Variants in DOCK10 observed in about 807,000 individuals in gnomAD.
DOCK10 encodes dedicator of cytokinesis protein 10.
DOCK10 carries 145 observed loss-of-function variants against 280.1 expected under a neutral mutation model. The observed-to-expected ratio is 0.52, with a 90% CI of 0.45 to 0.59. The LOEUF (loss-of-function observed/expected upper bound fraction) is 0.59, where lower values mean the gene tolerates loss of function less well. Ranked by LOEUF, DOCK10 falls within the 20% of genes least tolerant of loss-of-function variation. The pLI is 0.00. For missense variants in DOCK10, 2,368 were observed against 2,651.7 expected (o/e 0.89, Z 2.35); for synonymous variants, 915 against 942.2 (o/e 0.97, Z 0.53).
rs368666534 is a variant in DOCK10, at chr2:225,035,570, A to ATG, written c.123+6681_123+6682insCA. ...TATATATATATATATATATATATAT[A>ATG]TATATATATATATATATAACACTGA... is the stretch of plus-strand genomic sequence containing the variant. On this transcript the variant is annotated intron_variant, in intron 1 of 55. Coordinates refer to ENST00000258390, the MANE Select transcript of DOCK10 (RefSeq NM_014689.3). Among the ~76,000 whole-genome samples the ATG allele has an allele frequency of 8.6e-5, 5 of 58,234 alleles. 1 individual carries two copies. The highest frequency in any genetic ancestry group is 2.0e-4 in the Non-Finnish European group (5 of 24,620). The allele number at this position is 58,234 out of a possible 152,430, so 38.2% of individuals were successfully genotyped here. A position where few individuals can be genotyped will look rare whatever the true frequency, so the allele number is the denominator to read the frequency against.
intron 30 of DOCK10, among the ~76,000 whole-genome samples, chr2:224,815,104 G>A (rs1694041178): frequency 6.6e-6 from 1 of 152,100 alleles, no homozygotes; most frequent in African/African-American, 2.4e-5. Context: ...TTTGATCATG[G>A]GGACAGTTTC....
At chr2:224,935,912 A>G (rs1350598462) in intron 1 of DOCK10, among the ~76,000 whole-genome samples, 2 of 152,198 alleles carry the variant, frequency 1.3e-5, no homozygotes, top group African/African-American at 4.8e-5. Context: ...ATATAATCCA[A>G]GATTTATACG....
rs1325429657 is a variant in DOCK10 at position 224,885,775 on chromosome 2, G to C, written c.643C>G (p.Gln215Glu). 1 of 1,613,384 alleles carries C rather than the reference G, an allele frequency of 6.2e-7. No individual in the cohort carries two copies. The highest frequency in any genetic ancestry group is 1.3e-5 in the African/African-American group (1 of 75,022). ...SFKKRYFQLT[Q>E]LPDNSYIMNF... Reference sequence around the variant, plus strand: ...ATAATGTAGGAGTTATCTGGTAACTGAGTCAGCTGGAAGTAGCGCTTTTTG... The same window carrying C: ...ATAATGTAGGAGTTATCTGGTAACTCAGTCAGCTGGAAGTAGCGCTTTTTG... The change falls in exon 7 of 56, where the codon CAG becomes GAG. Residue 215 changes from glutamine to glutamate, a missense_variant. Gln to Glu is a conservative substitution (Grantham distance 29). This residue lies in a region of DOCK10 where 1,209 missense variants were observed against 1,250.9 expected (regional missense o/e 0.97). Transcript: ENST00000258390.
At chr2:224,872,131 A>T (rs79353375) in intron 11 of DOCK10, among the ~76,000 whole-genome samples, 2 of 152,310 alleles carry the variant, frequency 1.3e-5, no homozygotes, top group East Asian at 3.9e-4. Flanking sequence ...TTTTGACAAG[A>T]TTCTTATTGG....
At chr2:224,826,739 T>TTATCTATC (rs3083079) in intron 27 of DOCK10, among the ~76,000 whole-genome samples, 30 of 145,286 alleles carry the variant, frequency 2.1e-4, no homozygotes, top group South Asian at 6.8e-4. Flanking sequence ...ATATATATAA[T>TTATCTATC]TATCTATCTA....
rs144044236 is a variant in DOCK10 at position 224,977,486 on chromosome 2, G to A, written c.124-45818C>T. 5.8e-3 allele frequency among the ~76,000 whole-genome samples: 884 copies of A among 152,112 alleles called. 3 individuals carry two copies. Among genetic ancestry groups the A allele is most frequent in the Non-Finnish European group, 8.5e-3 (577 of 67,996 alleles). The stretch of plus-strand genomic sequence containing the variant: ...GGGTTGGTGATGAGTAAATGACATA[G>A]GAAATAATAGACATTAACCAGAAAA... On this transcript the variant is annotated intron_variant, in intron 1 of 55. Coordinates refer to ENST00000258390, the MANE Select transcript of DOCK10 (RefSeq NM_014689.3).
rs555749032 is a variant in DOCK10 at position 224,931,100 on chromosome 2, A to G, written c.243+449T>C. Among the ~76,000 whole-genome samples, 15 of 152,342 alleles carry G rather than the reference A, an allele frequency of 9.8e-5. No individual in the cohort carries two copies. The South Asian group carries it at 3.1e-3, about 32-fold the overall frequency. ...CCTTTCTTTGCCCCCAGGTGTCAGT[A>G]TCTCCTTATGAAAGACAAACCAAGA... On this transcript the variant is annotated intron_variant, in intron 2 of 55. Coordinates refer to ENST00000258390, the MANE Select transcript of DOCK10 (RefSeq NM_014689.3).
chr2:224,874,855 G>A lies in DOCK10; in HGVS notation c.932-104C>T, dbSNP rs146999838. ...TAAGTTAGGCTTAAGAGCTAAGAGG[G>A]ACGTTGGTGAGCCTAAGCTTTCATT... On this transcript the variant is annotated intron_variant, in intron 8 of 55. Transcript: ENST00000258390. The A allele has an allele frequency of 5.8e-4, 566 of 970,548 alleles. 5 individuals are homozygous for A. In the African/African-American group the frequency reaches 6.5e-3, roughly 11 times the overall value. 60.1% of individuals were successfully genotyped at this position (970,548 alleles called of 1,614,324 possible). A position where few individuals can be genotyped will look rare whatever the true frequency, so the allele number is the denominator to read the frequency against.
intron 1 of DOCK10, among the ~76,000 whole-genome samples, chr2:225,040,856 T>C (rs1426393095): frequency 6.6e-6 from 1 of 152,206 alleles, no homozygotes; most frequent in African/African-American, 2.4e-5. Flanking sequence ...AATCTTTTCT[T>C]CTAATGTTCT....
chr2:224,842,934 CA>C (rs1215902275), intron 22 of DOCK10, among the ~76,000 whole-genome samples: 1 of 152,166 alleles, frequency 6.6e-6, no homozygotes, highest in East Asian at 1.9e-4. Flanking sequence ...TCTGTTGGGT[CA>C]GGGAACAGGG....
intron 48 of DOCK10, among the ~76,000 whole-genome samples, chr2:224,788,083 A>ACTT (rs1691858891): frequency 6.6e-6 from 1 of 151,878 alleles, no homozygotes; most frequent in Admixed American, 6.6e-5. Context: ...CCATTTCAAC[A>ACTT]CTTCCATGTA....
At chr2:224,997,163 T>A (rs1311704388) in intron 1 of DOCK10, among the ~76,000 whole-genome samples, 1 of 152,106 alleles carries the variant, frequency 6.6e-6, no homozygotes, top group African/African-American at 2.4e-5. Flanking sequence ...CCCACCAAAT[T>A]CAACACTGCC....
chr2:224,798,225 GT>G (rs1234359890), intron 41 of DOCK10, among the ~76,000 whole-genome samples: 1 of 152,152 alleles, frequency 6.6e-6, no homozygotes, highest in African/African-American at 2.4e-5. Flanking sequence ...CTTCCATAGG[GT>G]AGTCAGCAAA....
chr2:224,826,409 T>C (rs951201221), intron 27 of DOCK10, among the ~76,000 whole-genome samples: 5 of 151,896 alleles, frequency 3.3e-5, no homozygotes, highest in South Asian at 2.1e-4. Flanking sequence ...CCCAACAACA[T>C]TGCACCTTTT....
At position 224,934,160 on chromosome 2, in the gene DOCK10, C is replaced by T. The variant is rs147060747; in HGVS notation, c.124-2492G>A. Among the ~76,000 whole-genome samples the T allele has an allele frequency of 7.7e-3, 1,169 of 152,090 alleles. 14 individuals are homozygous for T. The highest frequency in any genetic ancestry group is 0.027 in the African/African-American group (1,107 of 41,478). Reference sequence around the variant, plus strand: ...TGCTGTGGCTGCAGCAACCTTGGTTCGATATACCCAAATAAAACATATGGC... The same window carrying T: ...TGCTGTGGCTGCAGCAACCTTGGTTTGATATACCCAAATAAAACATATGGC... On this transcript the variant is annotated intron_variant, in intron 1 of 55. Coordinates refer to ENST00000258390, the MANE Select transcript of DOCK10 (RefSeq NM_014689.3).
chr2:224,946,104 A>G (rs1294570891), intron 1 of DOCK10, among the ~76,000 whole-genome samples: 1 of 152,244 alleles, frequency 6.6e-6, no homozygotes, highest in South Asian at 2.1e-4. Flanking sequence ...TTCACTTTAC[A>G]TGAAAGTCAC....
chr2:224,789,639 C>T (rs1692004246), intron 47 of DOCK10, among the ~76,000 whole-genome samples: 1 of 152,074 alleles, frequency 6.6e-6, no homozygotes, highest in Admixed American at 6.6e-5. Context: ...ACTTAGGAGG[C>T]TGAGACAGGA....
intron 1 of DOCK10, chr2:224,982,358 G>A: frequency 1.6e-6 from 2 of 1,231,922 alleles, no homozygotes; most frequent in Non-Finnish European, 2.0e-6. Flanking sequence ...AATGCTGGCA[G>A]TGCAGCCCAT....
intron 1 of DOCK10, among the ~76,000 whole-genome samples, chr2:225,015,806 T>C (rs975862595): frequency 2.0e-5 from 3 of 152,346 alleles, no homozygotes; most frequent in East Asian, 1.9e-4. Context: ...GTCCTGATTA[T>C]AGGCATTGTA....
Sources: allele counts gnomAD v4.1 joint callset (sites outside exome capture counted in the v4.1 genomes callset), GRCh38; gene constraint gnomAD v4.1.1; regional missense constraint gnomAD v4.1.1; transcripts MANE v1.5; gene names NCBI Gene and HGNC (gene_info 2026-07-23, HGNC 2026-07-21).